The following MBD5 variants were observed in gnomAD, a reference collection of about 807,000 sequenced individuals.
The protein encoded by MBD5 is methyl-CpG-binding domain protein 5.
A neutral mutation model predicts 117.3 loss-of-function variants in MBD5; 13 were observed. That is an observed-to-expected ratio of 0.11 (90% CI 0.07 to 0.18). MBD5 has a LOEUF of 0.18. Ranked by LOEUF, MBD5 falls within the 10% of genes least tolerant of loss-of-function variation. The pLI is 1.00. For missense variants in MBD5, 1,879 were observed against 2,093.8 expected (o/e 0.90, Z 2.00); for synonymous variants, 727 against 766.4 (o/e 0.95, Z 0.85).
At chr2:148,221,325 A>C (rs1699680534) in intron 2 of MBD5, among the ~76,000 whole-genome samples, 1 of 152,052 alleles carries the variant, frequency 6.6e-6, no homozygotes, top group Non-Finnish European at 1.5e-5. Flanking sequence ...CTCTATTTTT[A>C]GTTTTGAGGA....
In MBD5 at chr2:148,483,068, GAT is replaced by G. The variant is rs747766100; in HGVS notation, c.2519-41_2519-40del. ...ATGCCTAGTCTCACATAACATTCAT[GAT>G]TAATAACTGGGTTTTGTGTTTTTTT... is the stretch of plus-strand genomic sequence containing the variant. On this transcript the variant is annotated intron_variant, in intron 8 of 13. Transcript: ENST00000642680. 4 of 1,584,134 alleles carry G rather than the reference GAT, an allele frequency of 2.5e-6. No homozygotes were observed. In the African/African-American group the frequency reaches 5.5e-5, roughly 22 times the overall value.
At chr2:148,342,514 T>C (rs1702971451) in intron 4 of MBD5, among the ~76,000 whole-genome samples, 178 bp downstream of exon 4, 1 of 152,022 alleles carries the variant, frequency 6.6e-6, no homozygotes, top group African/African-American at 2.4e-5. Flanking sequence ...GGAAAATGAA[T>C]ACATGTTTAC....
chr2:148,422,416 G>A (rs1705638584), intron 4 of MBD5, among the ~76,000 whole-genome samples: 1 of 152,062 alleles, frequency 6.6e-6, no homozygotes, highest in Non-Finnish European at 1.5e-5. Context: ...TCCATTCAGA[G>A]ACCCCATCTG....
chr2:148,459,654 T>G (rs1407101687), intron 5 of MBD5, among the ~76,000 whole-genome samples: 1 of 152,212 alleles, frequency 6.6e-6, no homozygotes, highest in Non-Finnish European at 1.5e-5. Context: ...CACATTCCAT[T>G]ATTAGATTGA....
At chr2:148,339,431 A>G (rs2105124040) in intron 3 of MBD5, among the ~76,000 whole-genome samples, 1 of 152,218 alleles carries the variant, frequency 6.6e-6, no homozygotes, top group Non-Finnish European at 1.5e-5. Context: ...ATCATCTCTG[A>G]CTATGTTTTC....
At chr2:148,451,304 T>C (rs1574438755) in intron 4 of MBD5, among the ~76,000 whole-genome samples, 1 of 152,102 alleles carries the variant, frequency 6.6e-6, no homozygotes, top group Admixed American at 6.6e-5. Context: ...ATGAAAATAA[T>C]AACTAAACCA....
intron 1 of MBD5, among the ~76,000 whole-genome samples, chr2:148,093,223 T>A (rs536143010): frequency 6.6e-6 from 1 of 152,310 alleles, no homozygotes; most frequent in South Asian, 2.1e-4. Context: ...TAGACTGCTT[T>A]TAAACTAATA....
At chr2:148,446,118 C>T (rs1706504772) in intron 4 of MBD5, among the ~76,000 whole-genome samples, 1 of 150,982 alleles carries the variant, frequency 6.6e-6, no homozygotes, top group Non-Finnish European at 1.5e-5. Flanking sequence ...TTTTGCTGTG[C>T]ACAAGCTCTT....
At chr2:148,231,809 T>C (rs992302711) in intron 2 of MBD5, among the ~76,000 whole-genome samples, 1 of 152,142 alleles carries the variant, frequency 6.6e-6, no homozygotes, top group Non-Finnish European at 1.5e-5. Context: ...ATACCAAAAA[T>C]ACTTAATTCC....
At chr2:148,031,982 C>T (rs550990895) in intron 1 of MBD5, among the ~76,000 whole-genome samples, 3 of 151,988 alleles carry the variant, frequency 2.0e-5, no homozygotes, top group Admixed American at 2.0e-4. Flanking sequence ...TTCCAGGTAC[C>T]CCTATGATGT....
At chr2:148,265,817 G>A (rs906324051) in intron 3 of MBD5, among the ~76,000 whole-genome samples, 1 of 152,018 alleles carries the variant, frequency 6.6e-6, no homozygotes, top group Non-Finnish European at 1.5e-5. Context: ...TCTGCTATAT[G>A]CTTAACACAG....
intron 1 of MBD5, among the ~76,000 whole-genome samples, chr2:148,171,463 T>A (rs1698261329): frequency 6.6e-6 from 1 of 152,160 alleles, no homozygotes; most frequent in Admixed American, 6.5e-5. Context: ...AAATTAGGTA[T>A]AGAAGGAACT....
chr2:148,177,365 TG>T (rs1293888936), intron 1 of MBD5, among the ~76,000 whole-genome samples: 1 of 152,154 alleles, frequency 6.6e-6, no homozygotes, highest in Non-Finnish European at 1.5e-5. Context: ...GGCATGCACC[TG>T]GGGTTCTAGA....
intron 1 of MBD5, among the ~76,000 whole-genome samples, chr2:148,094,334 G>T (rs1404145706): frequency 6.6e-6 from 1 of 152,116 alleles, no homozygotes; most frequent in Non-Finnish European, 1.5e-5. Context: ...TGACCCAAAA[G>T]ACATGATTGA....
chr2:148,346,024 C>G (rs1207888201), intron 4 of MBD5: 1 of 151,864 alleles, frequency 6.6e-6, no homozygotes, highest in Non-Finnish European at 1.5e-5. Flanking sequence ...TTTGGCAGCA[C>G]CCACACAGAC....
At chr2:148,385,708 C>T (rs370822070) in intron 4 of MBD5, among the ~76,000 whole-genome samples, 6 of 151,156 alleles carry the variant, frequency 4.0e-5, no homozygotes, top group African/African-American at 1.5e-4. Context: ...TTGGAACCAA[C>T]CCAAATGTCC....
intron 2 of MBD5, among the ~76,000 whole-genome samples, chr2:148,203,098 C>T (rs1699183122): frequency 1.4e-5 from 2 of 140,112 alleles, no homozygotes; most frequent in South Asian, 4.4e-4. Context: ...TCACGAGACT[C>T]CATCTCAAAA....
chr2:148,445,643 T>C (rs546520849), intron 4 of MBD5, among the ~76,000 whole-genome samples: 1 of 151,534 alleles, frequency 6.6e-6, no homozygotes, highest in Admixed American at 6.6e-5. Flanking sequence ...CTCCTTTGGG[T>C]ATATACCCAG....
At chr2:148,161,469 C>G (rs1033359839) in intron 1 of MBD5, among the ~76,000 whole-genome samples, 1 of 152,180 alleles carries the variant, frequency 6.6e-6, no homozygotes, top group African/African-American at 2.4e-5. Context: ...TAAGAAAAAT[C>G]TTACTTAGAT....
Sources: gnomAD v4.1 joint callset for allele counts (sites outside exome capture counted in the v4.1 genomes callset) on GRCh38, gnomAD v4.1.1 for gene constraint, MANE v1.5 for transcripts, NCBI Gene and HGNC (gene_info 2026-07-23, HGNC 2026-07-21) for gene names.